Variants in PGAP1 observed in about 807,000 individuals in gnomAD.
The protein encoded by PGAP1 is GPI inositol-deacylase.
Under a neutral mutation model 127.0 loss-of-function variants are expected in PGAP1, and 76 were observed. The ratio of observed to expected loss-of-function variants is 0.60; its 90% confidence interval spans 0.50 to 0.72. The LOEUF is 0.72. PGAP1 is among the 30% of genes least tolerant of loss of function. PGAP1 has a pLI of 0.00. For missense variants in PGAP1, 982 were observed against 1,071.3 expected, an observed-to-expected ratio of 0.92 and a Z score of 1.16; for synonymous variants, 362 against 366.5, an observed-to-expected ratio of 0.99 and a Z score of 0.14.
At chr2:196,924,183 T>C (rs752227952) in intron 1 of PGAP1, among the ~76,000 whole-genome samples, 7 of 152,054 alleles carry the variant, frequency 4.6e-5, no homozygotes, top group Middle Eastern at 6.3e-3. Flanking sequence ...ATAATAAAAC[T>C]GAATGTGTTT....
intron 20 of PGAP1, among the ~76,000 whole-genome samples, chr2:196,856,293 C>A (rs941011306): frequency 4.6e-5 from 7 of 152,204 alleles, no homozygotes; most frequent in South Asian, 2.1e-4. Context: ...GCTGGGATTA[C>A]AGGCATGAGC....
chr2:196,870,756 G>C (rs1701386003), intron 19 of PGAP1, among the ~76,000 whole-genome samples, 185 bp downstream of exon 19: 1 of 152,008 alleles, frequency 6.6e-6, no homozygotes, highest in Non-Finnish European at 1.5e-5. Context: ...AGTGTAAGAA[G>C]AATGAAAAAG....
At chr2:196,902,227 G>A (rs1702519736) in intron 5 of PGAP1, among the ~76,000 whole-genome samples, 2 of 151,952 alleles carry the variant, frequency 1.3e-5, no homozygotes, top group Admixed American at 6.6e-5. Flanking sequence ...TGTAGAGTTG[G>A]GGGTCTCCCT....
intron 20 of PGAP1, among the ~76,000 whole-genome samples, chr2:196,861,177 A>G (rs1305978708): frequency 6.6e-6 from 1 of 152,228 alleles, no homozygotes; most frequent in African/African-American, 2.4e-5. Context: ...ATATGCAAAA[A>G]TTAAATCAAA....
chr2:196,835,611 A>G lies in PGAP1; in HGVS notation c.*5623T>C, dbSNP rs2125769779. 6.6e-6 allele frequency: 1 copy of G among 152,612 alleles called. No homozygotes were observed. The highest frequency in any genetic ancestry group is 1.5e-5 in the Non-Finnish European group (1 of 67,892). 9.5% of individuals were successfully genotyped at this position (152,612 alleles called of 1,614,324 possible). A position where few individuals can be genotyped will look rare whatever the true frequency, so the allele number is the denominator to read the frequency against. On this transcript the variant is annotated 3_prime_UTR_variant, in exon 27 of 27. Transcript: ENST00000354764. ...TTTTCATGGTTTAAACATTTATTGT[A>G]AGTCCTAGATGAAACATACTGAAAA...
In PGAP1 at chr2:196,833,857, C is replaced by T. The variant is rs1041779191; in HGVS notation, c.*7377G>A. 1 of 151,698 alleles carries T rather than the reference C, an allele frequency of 6.6e-6. No individual in the cohort carries two copies. Among genetic ancestry groups the T allele is most frequent in the African/African-American group, 2.4e-5 (1 of 41,314 alleles). 9.4% of individuals were successfully genotyped at this position (151,698 alleles called of 1,614,324 possible). On this transcript the variant is annotated 3_prime_UTR_variant, in exon 27 of 27. Transcript: ENST00000354764. The stretch of plus-strand genomic sequence containing the variant: ...TTATATCCATTATTTTAAATAAGCA[C>T]AGTAAAAATGCAAGTCTACATTTTT...
At chr2:196,859,310 G>T (rs2125788369) in intron 20 of PGAP1, among the ~76,000 whole-genome samples, 1 of 152,270 alleles carries the variant, frequency 6.6e-6, no homozygotes, top group South Asian at 2.1e-4. Flanking sequence ...TTGGGCAACA[G>T]AGTGAGACTC....
At chr2:196,846,200 A>G (rs1354354215) in intron 22 of PGAP1, among the ~76,000 whole-genome samples, 183 bp from the exon 23 acceptor site, 1 of 152,156 alleles carries the variant, frequency 6.6e-6, no homozygotes, top group Admixed American at 6.5e-5. Flanking sequence ...TAAGTTCTGT[A>G]ATGTATTGTG....
chr2:196,892,830 G>C (rs910604186), intron 8 of PGAP1, among the ~76,000 whole-genome samples: 2 of 152,016 alleles, frequency 1.3e-5, no homozygotes, highest in Non-Finnish European at 2.9e-5. Flanking sequence ...AAGGAGTCAA[G>C]AATAATATGG....
In PGAP1 at chr2:196,833,420, C is replaced by T. The variant is rs1276775393; in HGVS notation, c.*7814G>A. 2 of 152,086 alleles carry T rather than the reference C, an allele frequency of 1.3e-5. No individual in the cohort carries two copies. The highest frequency in any genetic ancestry group is 2.4e-5 in the African/African-American group (1 of 41,422). The allele number at this position is 152,086 out of a possible 1,614,324, so 9.4% of individuals were successfully genotyped here. ...ACTTGTTAAGTGTTGTTGTTATGCA[C>T]TGTACTTTCTGGATGGATGAGAAAA... On this transcript the variant is annotated 3_prime_UTR_variant, in exon 27 of 27. Coordinates refer to ENST00000354764, the MANE Select transcript of PGAP1 (RefSeq NM_024989.4).
intron 24 of PGAP1, 22 bp downstream of exon 24, chr2:196,844,502 G>A: frequency 1.3e-6 from 2 of 1,532,726 alleles, no homozygotes; most frequent in South Asian, 1.2e-5. Context: ...AATTTATGTA[G>A]AGTTTTGAAA....
chr2:196,884,047 A>T (rs1027963179), intron 12 of PGAP1, among the ~76,000 whole-genome samples: 3 of 152,204 alleles, frequency 2.0e-5, no homozygotes, highest in South Asian at 4.1e-4. Flanking sequence ...ATAGAGACTG[A>T]TTAATCTTTG....
chr2:196,903,323 G>T (rs1702561872), intron 4 of PGAP1, among the ~76,000 whole-genome samples: 1 of 151,726 alleles, frequency 6.6e-6, no homozygotes, highest in South Asian at 2.1e-4. Flanking sequence ...CTTAGCTTGG[G>T]AGGCTGAGGA....
At chr2:196,886,385 T>C (rs1013140349) in intron 10 of PGAP1, among the ~76,000 whole-genome samples, 11 of 151,974 alleles carry the variant, frequency 7.2e-5, no homozygotes, top group Non-Finnish European at 1.6e-4. Context: ...GGTCTTGAAC[T>C]CCTGACCTCA....
chr2:196,870,907 A>G, intron 19 of PGAP1, 34 bp downstream of exon 19: 1 of 1,568,442 alleles, frequency 6.4e-7, no homozygotes, highest in African/African-American at 1.4e-5. Context: ...TTCATAAAGC[A>G]GTAAATAATC....
chr2:196,897,601 T>C (rs1302772008), intron 6 of PGAP1, among the ~76,000 whole-genome samples: 1 of 152,198 alleles, frequency 6.6e-6, no homozygotes, highest in East Asian at 1.9e-4. Context: ...GGGCTGCCTA[T>C]TTCTTGACCC....
At position 196,920,145 on chromosome 2, in the gene PGAP1, T is replaced by C. The variant is rs777153886; in HGVS notation, c.153A>G (p.Ile51Met). ...YMFEYPEYQK[I>M]ELPKKLAKRY... The stretch of plus-strand genomic sequence containing the variant: ...GTTTTGCCAGTTTCTTTGGAAGTTC[T>C]ATTTTCTACATTTAAAAAAAAGTAG... Residue 51 changes from isoleucine to methionine, a missense_variant, in exon 2 of 27, where the codon ATA (isoleucine) becomes ATG (methionine). Transcript: ENST00000354764. 13 of 1,598,984 alleles carry C rather than the reference T, an allele frequency of 8.1e-6. No homozygotes were observed. In the Admixed American group the frequency reaches 1.9e-4, roughly 24 times the overall value.
intron 1 of PGAP1, among the ~76,000 whole-genome samples, chr2:196,925,857 G>C (rs1487629590): frequency 6.6e-6 from 1 of 152,104 alleles, no homozygotes; most frequent in African/African-American, 2.4e-5. Flanking sequence ...TTTCCAAGAG[G>C]GGATCTAGTT....
chr2:196,882,362 AAT>A (rs1701761703), intron 12 of PGAP1, among the ~76,000 whole-genome samples: 1 of 152,156 alleles, frequency 6.6e-6, no homozygotes, highest in Non-Finnish European at 1.5e-5. Flanking sequence ...TGAATTTTAA[AAT>A]AGTTTTTTCT....
Sources: allele counts gnomAD v4.1 joint callset (sites outside exome capture counted in the v4.1 genomes callset), GRCh38; gene constraint gnomAD v4.1.1; transcripts MANE v1.5; gene names NCBI Gene and HGNC (gene_info 2026-07-23, HGNC 2026-07-21).